Variants in BCAP29 observed in about 807,000 individuals in gnomAD.
The protein encoded by BCAP29 is B-cell receptor-associated protein 29.
In BCAP29, 34 loss-of-function variants were observed where a neutral mutation model predicts 31.8. That is an observed-to-expected ratio of 1.07 (90% confidence interval 0.81 to 1.42). The LOEUF is 1.42. BCAP29 is among the 40% of genes most tolerant of loss of function. The probability of loss-of-function intolerance (pLI) is 0.00; values close to 1 mark genes in which losing one functional copy is unlikely to be tolerated. For missense variants in BCAP29, 314 were observed against 269.2 expected (o/e 1.17, Z -1.16); for synonymous variants, 104 against 91.3 (o/e 1.14, Z -0.79).
At chr7:107,613,475 A>G in intron 7 of BCAP29, 43 bp downstream of exon 7, 1 of 1,438,518 alleles carries the variant, frequency 7.0e-7, no homozygotes, top group Non-Finnish European at 9.7e-7. Context: ...GTTTTGAAAT[A>G]GTAATTACCT....
At chr7:107,611,143 A>T (rs559402076) in intron 6 of BCAP29, among the ~76,000 whole-genome samples, 91 of 152,288 alleles carry the variant, frequency 6.0e-4, no homozygotes, top group African/African-American at 2.1e-3. Flanking sequence ...CCCATTAATG[A>T]GGACCCCACC....
At chr7:107,618,234 C>A in intron 7 of BCAP29, 94 bp from the exon 8 acceptor site, 1 of 850,982 alleles carries the variant, frequency 1.2e-6, no homozygotes, top group Non-Finnish European at 1.8e-6. Flanking sequence ...CATAAGTATA[C>A]ATAGAAGAGA....
intron 5 of BCAP29, among the ~76,000 whole-genome samples, chr7:107,597,277 T>G (rs568054503): frequency 2.6e-5 from 4 of 152,112 alleles, no homozygotes; most frequent in Admixed American, 2.6e-4. Flanking sequence ...TTCCCTCCCT[T>G]CCTCCCCAGA....
At chr7:107,582,596 T>C (rs1806902063) in intron 2 of BCAP29, among the ~76,000 whole-genome samples, 1 of 152,212 alleles carries the variant, frequency 6.6e-6, no homozygotes, top group Non-Finnish European at 1.5e-5. Context: ...TTTCCCCATC[T>C]GTAAAATGGA....
chr7:107,622,364 T>C (rs1562804675), downstream of BCAP29: 1 of 154,356 alleles, frequency 6.5e-6, no homozygotes, highest in Admixed American at 6.5e-5. Flanking sequence ...CCATCTACTT[T>C]TCAGCCTCAA....
chr7:107,584,375 A>G (rs1807245305), intron 3 of BCAP29, among the ~76,000 whole-genome samples: 1 of 152,186 alleles, frequency 6.6e-6, no homozygotes. Context: ...AGGCTCTCCA[A>G]AGGAGTCTTA....
intron 7 of BCAP29, chr7:107,615,785 C>T (rs1040455748): frequency 5.8e-6 from 1 of 172,808 alleles, no homozygotes; most frequent in Non-Finnish European, 1.3e-5. Flanking sequence ...TAATAGATGT[C>T]ATTTGTTGAG....
chr7:107,611,555 G>A (rs1369873501), intron 6 of BCAP29, among the ~76,000 whole-genome samples: 1 of 152,086 alleles, frequency 6.6e-6, no homozygotes, highest in East Asian at 1.9e-4. Flanking sequence ...TTTTTGCTGA[G>A]CTCTGAAGAT....
chr7:107,618,344 G>T lies in BCAP29; in HGVS notation c.707G>T (p.Gly236Val), dbSNP rs776173375. ...TCCTTACAGGATCGTTTAGAAAGAG[G>T]CAACAAGAAAAGACTGTGAACTTTA... ...HSELQDRLERGNKKRL is the reference protein window; with the variant it reads ...HSELQDRLERVNKKRL The change falls in exon 8 of 8, where the codon GGC (glycine) becomes GTC (valine). Residue 236 changes from glycine to valine, a missense_variant. Coordinates refer to ENST00000005259, the MANE Select transcript of BCAP29 (RefSeq NM_018844.4). 1 of 1,591,628 alleles carries T rather than the reference G, an allele frequency of 6.3e-7. No individual in the cohort carries two copies.
At chr7:107,606,605 T>A (rs1315584227) in intron 6 of BCAP29, among the ~76,000 whole-genome samples, 2 of 152,142 alleles carry the variant, frequency 1.3e-5, no homozygotes, top group Non-Finnish European at 2.9e-5. Flanking sequence ...CTATGTGAAA[T>A]GGGGCCACAA....
chr7:107,600,256 A>T, intron 5 of BCAP29, 141 bp from the exon 6 acceptor site: 1 of 683,742 alleles, frequency 1.5e-6, no homozygotes, highest in Non-Finnish European at 2.6e-6. Context: ...AGTACATTGT[A>T]GAAAACTATA....
chr7:107,608,738 T>C (rs1280551319), intron 6 of BCAP29, among the ~76,000 whole-genome samples: 1 of 152,256 alleles, frequency 6.6e-6, no homozygotes, highest in Non-Finnish European at 1.5e-5. Flanking sequence ...CTGAGTATTT[T>C]GGTTTTTGAT....
intron 5 of BCAP29, among the ~76,000 whole-genome samples, chr7:107,599,583 C>A (rs1453537109): frequency 1.3e-5 from 2 of 149,620 alleles, no homozygotes; most frequent in African/African-American, 4.9e-5. Context: ...TGACCCACAA[C>A]AGTATACATA....
intron 2 of BCAP29, among the ~76,000 whole-genome samples, chr7:107,581,266 T>G (rs1250868441): frequency 2.0e-5 from 3 of 152,220 alleles, no homozygotes; most frequent in Non-Finnish European, 4.4e-5. Flanking sequence ...AGTGTTTCAC[T>G]GAGGCACTGG....
chr7:107,582,307 GTATATTTGCATATGATA>G (rs1273997654), intron 2 of BCAP29, among the ~76,000 whole-genome samples: 1 of 152,134 alleles, frequency 6.6e-6, no homozygotes, highest in Non-Finnish European at 1.5e-5. Flanking sequence ...ATAGATGTGT[GTATATTTGCATATGATA>G]TATAAATGTG....
chr7:107,594,887 C>A (rs1223038798), intron 4 of BCAP29, among the ~76,000 whole-genome samples: 3 of 152,144 alleles, frequency 2.0e-5, no homozygotes, highest in Non-Finnish European at 4.4e-5. Flanking sequence ...GTAGGTTTGC[C>A]CAGTCCATAA....
chr7:107,585,312 T>A (rs1160269744), intron 3 of BCAP29, among the ~76,000 whole-genome samples: 1 of 152,190 alleles, frequency 6.6e-6, no homozygotes, highest in Admixed American at 6.5e-5. Flanking sequence ...ACATCTGGTA[T>A]GAGAAGGGAT....
At chr7:107,581,118 A>G (rs1468202843) in intron 2 of BCAP29, among the ~76,000 whole-genome samples, 1 of 152,244 alleles carries the variant, frequency 6.6e-6, no homozygotes, top group Non-Finnish European at 1.5e-5. Context: ...TACAGATATA[A>G]TAAAGCAACG....
rs992677288 is a variant in BCAP29 at position 107,580,248 on chromosome 7, C to T, written c.-68C>T. 3 of 151,940 alleles carry T rather than the reference C, an allele frequency of 2.0e-5. No individual in the cohort carries two copies. Among genetic ancestry groups the T allele is most frequent in the African/African-American group, 4.8e-5 (2 of 41,420 alleles). The allele number at this position is 151,940 out of a possible 1,614,324, so 9.4% of individuals were successfully genotyped here. On this transcript the variant is annotated 5_prime_UTR_variant, in exon 1 of 8. Coordinates refer to ENST00000005259, the MANE Select transcript of BCAP29 (RefSeq NM_018844.4). ...CCCGCCCAGCCGCGGCGTCTGACGT[C>T]CCGCGCGTCGGCGGCCGCGGAGCAG... is the stretch of plus-strand genomic sequence containing the variant.
Sources: gnomAD v4.1 joint callset for allele counts (sites outside exome capture counted in the v4.1 genomes callset) on GRCh38, gnomAD v4.1.1 for gene constraint, MANE v1.5 for transcripts, NCBI Gene and HGNC (gene_info 2026-07-23, HGNC 2026-07-21) for gene names.